ATRNL1: variants seen among roughly 807,000 people sequenced by gnomAD.
ATRNL1 encodes the protein attractin like 1, also known as attractin-like protein 1.
In ATRNL1, 95 loss-of-function variants were observed where a neutral mutation model predicts 182.7. The observed-to-expected ratio is 0.52, with a 90% CI of 0.44 to 0.62. ATRNL1 has a LOEUF of 0.62. Ranked by LOEUF, ATRNL1 falls within the 20% of genes least tolerant of loss-of-function variation. The probability of loss-of-function intolerance (pLI) is 0.00; values close to 1 mark genes in which losing one functional copy is unlikely to be tolerated. For missense variants in ATRNL1, 1,471 were observed against 1,679.5 expected (o/e 0.88, Z 2.17); for synonymous variants, 576 against 568.3 (o/e 1.01, Z -0.19).
At position 115,640,141 on chromosome 10, in the gene ATRNL1, T is replaced by C. The variant is rs782577233; in HGVS notation, c.3796-87107T>C. Among the ~76,000 whole-genome samples, 80 of 152,326 alleles carry C rather than the reference T, an allele frequency of 5.3e-4. 1 individual carries two copies. The highest frequency in any genetic ancestry group is 3.4e-3 in the Middle Eastern group (1 of 294). ...TTTGGCTGCATAGTATTCCATGGCA[T>C]ATATGTGCCACATTTTCTTTATCCA... On this transcript the variant is annotated intron_variant, in intron 26 of 28. Transcript: ENST00000355044.
intron 28 of ATRNL1, among the ~76,000 whole-genome samples, chr10:115,915,941 G>A (rs1335391145): frequency 6.6e-6 from 1 of 152,164 alleles, no homozygotes; most frequent in Non-Finnish European, 1.5e-5. Flanking sequence ...AATTCAACCT[G>A]CAACTTTGTT....
chr10:115,445,522 TG>T (rs1554966552), intron 21 of ATRNL1, among the ~76,000 whole-genome samples: 2 of 145,642 alleles, frequency 1.4e-5, no homozygotes, highest in Non-Finnish European at 3.0e-5. Flanking sequence ...TGTGTGTGTG[TG>T]TGTGTGTGTG....
rs1400890106 is a variant in ATRNL1 at position 115,160,179 on chromosome 10, T to C, written c.969T>C (p.Tyr323=). The part of the protein sequence containing the change: ...HGKFMWVIGG[Y]TFNYSSFQMV... ...AATTTATGTGGGTGATTGGTGGATA[T>C]ACTTTTAACTACAGTTCTTTTCAAA... Residue 323 remains tyrosine, a synonymous_variant, in exon 6 of 29, where the codon TAT becomes TAC. Transcript: ENST00000355044. The C allele has an allele frequency of 2.5e-6, 4 of 1,612,362 alleles. No homozygotes were observed. The highest frequency in any genetic ancestry group is 1.3e-5 in the African/African-American group (1 of 74,814).
intron 20 of ATRNL1, among the ~76,000 whole-genome samples, chr10:115,406,303 A>G (rs1187674161): frequency 6.6e-6 from 1 of 152,046 alleles, no homozygotes; most frequent in Non-Finnish European, 1.5e-5. Context: ...TTTTTTTGAT[A>G]ATTCCAGTTT....
chr10:115,151,836 T>C (rs527395122), intron 5 of ATRNL1, among the ~76,000 whole-genome samples: 3 of 152,370 alleles, frequency 2.0e-5, no homozygotes, highest in East Asian at 1.9e-4. Flanking sequence ...CTAGGGTTTT[T>C]ATAGTTTTAG....
chr10:115,567,851 T>C (rs377605245), intron 26 of ATRNL1, among the ~76,000 whole-genome samples: 4 of 152,202 alleles, frequency 2.6e-5, no homozygotes, highest in East Asian at 3.9e-4. Context: ...GAATAATGCA[T>C]AATAAGTAAC....
intron 24 of ATRNL1, among the ~76,000 whole-genome samples, chr10:115,495,083 AATTT>A (rs1479517479): frequency 6.6e-6 from 1 of 151,372 alleles, no homozygotes; most frequent in African/African-American, 2.4e-5. Context: ...TGTTTCAAGG[AATTT>A]ATTTCTTCTA....
intron 28 of ATRNL1, among the ~76,000 whole-genome samples, 159 bp from the exon 29 acceptor site, chr10:115,944,499 A>T (rs1217032166): frequency 6.6e-6 from 1 of 152,118 alleles, no homozygotes; most frequent in Non-Finnish European, 1.5e-5. Flanking sequence ...AAGTCAAGAA[A>T]CATTTTAGGT....
At chr10:115,778,816 A>G (rs1949192075) in intron 27 of ATRNL1, among the ~76,000 whole-genome samples, 2 of 152,142 alleles carry the variant, frequency 1.3e-5, no homozygotes, top group African/African-American at 4.8e-5. Flanking sequence ...AGGAAGAAAA[A>G]TCTAGAGGCA....
At chr10:115,627,981 C>G (rs536342862) in intron 26 of ATRNL1, among the ~76,000 whole-genome samples, 1 of 151,890 alleles carries the variant, frequency 6.6e-6, no homozygotes, top group Middle Eastern at 3.4e-3. Flanking sequence ...CCCAGCTCTA[C>G]TAAAAAAATA....
chr10:115,821,344 C>T (rs1950291368), intron 27 of ATRNL1, among the ~76,000 whole-genome samples: 1 of 152,112 alleles, frequency 6.6e-6, no homozygotes, highest in South Asian at 2.1e-4. Flanking sequence ...GATGCAGTTT[C>T]TTCATACTGT....
At chr10:115,660,911 G>C (rs1860642977) in intron 26 of ATRNL1, among the ~76,000 whole-genome samples, 1 of 152,026 alleles carries the variant, frequency 6.6e-6, no homozygotes, top group Non-Finnish European at 1.5e-5. Context: ...ATCTTAAAGT[G>C]GTTTAAATGC....
chr10:115,913,949 C>T (rs1279089533), intron 28 of ATRNL1, among the ~76,000 whole-genome samples: 12 of 152,202 alleles, frequency 7.9e-5, no homozygotes, highest in Admixed American at 5.2e-4. Flanking sequence ...CCCTGTGTCC[C>T]CACCCAAATT....
At chr10:115,833,091 T>C (rs1950594861) in intron 27 of ATRNL1, among the ~76,000 whole-genome samples, 1 of 152,144 alleles carries the variant, frequency 6.6e-6, no homozygotes, top group Non-Finnish European at 1.5e-5. Context: ...TCATTTGTAA[T>C]AAGCAGGAAA....
chr10:115,098,453 C>CTTTTTTTT (rs71010006), intron 1 of ATRNL1, among the ~76,000 whole-genome samples: 1 of 80,752 alleles, frequency 1.2e-5, no homozygotes. Flanking sequence ...ATACTAGTTT[C>CTTTTTTTT]TTTTTTTTTT....
chr10:115,914,537 C>G (rs1487168332), intron 28 of ATRNL1, among the ~76,000 whole-genome samples: 1 of 152,156 alleles, frequency 6.6e-6, no homozygotes, highest in African/African-American at 2.4e-5. Context: ...GAGCAAGTGA[C>G]CAGCAAGGAC....
chr10:115,536,183 G>C (rs941890007), intron 25 of ATRNL1, among the ~76,000 whole-genome samples: 8 of 152,286 alleles, frequency 5.3e-5, no homozygotes, highest in East Asian at 1.9e-4. Flanking sequence ...TTACTGCTGT[G>C]TTTTTGTTTG....
At chr10:115,528,548 T>A (rs1851381437) in intron 25 of ATRNL1, among the ~76,000 whole-genome samples, 1 of 151,960 alleles carries the variant, frequency 6.6e-6, no homozygotes, top group Non-Finnish European at 1.5e-5. Flanking sequence ...TAACTAAAGG[T>A]TTGCCAATTT....
intron 20 of ATRNL1, among the ~76,000 whole-genome samples, chr10:115,409,872 C>T (rs1845046823): frequency 6.6e-6 from 1 of 152,088 alleles, no homozygotes; most frequent in Non-Finnish European, 1.5e-5. Context: ...CATGTATGGC[C>T]TGTATTGTGT....
Sources: allele counts gnomAD v4.1 joint callset (sites outside exome capture counted in the v4.1 genomes callset), GRCh38; gene constraint gnomAD v4.1.1; transcripts MANE v1.5; gene names NCBI Gene and HGNC (gene_info 2026-07-23, HGNC 2026-07-21).